ARHGEF6: variants seen among roughly 807,000 people sequenced by gnomAD.
ARHGEF6 encodes the protein rho guanine nucleotide exchange factor 6.
ARHGEF6 carries 9 observed loss-of-function variants against 70.3 expected under a neutral mutation model. The ratio of observed to expected loss-of-function variants is 0.13; its 90% confidence interval spans 0.08 to 0.22. ARHGEF6 has a LOEUF of 0.22. Ranked by LOEUF, ARHGEF6 falls within the 10% of genes least tolerant of loss-of-function variation. The probability of loss-of-function intolerance (pLI) is 1.00; values close to 1 mark genes in which losing one functional copy is unlikely to be tolerated. For synonymous variants in ARHGEF6, 201 were observed against 207.8 expected, an observed-to-expected ratio of 0.97 and a Z score of 0.28; for missense variants, 470 against 563.0, an observed-to-expected ratio of 0.83 and a Z score of 1.67.
intron 14 of ARHGEF6, 81 bp from the exon 15 acceptor site, chrX:136,680,957 T>C (rs1451067866): frequency 8.3e-6 from 9 of 1,088,151 alleles, no homozygotes; most frequent in Non-Finnish European, 1.1e-5. Flanking sequence ...ATAGACTTCA[T>C]ACAACTAGGA....
chrX:136,756,033 C>T (rs1040525223), intron 2 of ARHGEF6, among the ~76,000 whole-genome samples: 6 of 111,177 alleles, frequency 5.4e-5, no homozygotes, highest in Non-Finnish European at 1.1e-4. Context: ...GCCTGTCACG[C>T]AGTAGGCACT....
chrX:136,668,100 G>A lies in ARHGEF6; in HGVS notation c.2260C>T (p.Arg754Trp), dbSNP rs960928833. ...TCATCTGTTTGCTTCAAAAGCCTCC[G>A]CACCAGCTTTTCTAGGTCCCTTCTT... is the stretch of plus-strand genomic sequence containing the variant. The part of the protein sequence containing the change: ...KSRRDLEKLV[R>W]RLLKQTDECI... Residue 754 changes from arginine to tryptophan, a missense_variant, in exon 22 of 22, where the codon CGG becomes TGG. Coordinates refer to ENST00000250617, the MANE Select transcript of ARHGEF6 (RefSeq NM_004840.3). 6.6e-6 allele frequency: 8 copies of A among 1,211,334 alleles called. No homozygotes were observed. The highest frequency in any genetic ancestry group is 8.9e-6 in the Non-Finnish European group (8 of 895,188).
chrX:136,670,362 T>A (rs1373348414), intron 20 of ARHGEF6, among the ~76,000 whole-genome samples: 1 of 112,225 alleles, frequency 8.9e-6, no homozygotes, highest in East Asian at 2.8e-4. Context: ...TTACTAGGTA[T>A]GAAAAAAATC....
intron 9 of ARHGEF6, among the ~76,000 whole-genome samples, chrX:136,702,607 C>T (rs1234369464): frequency 2.7e-5 from 3 of 112,371 alleles, no homozygotes; most frequent in African/African-American, 9.7e-5. Flanking sequence ...ACAAAGCAGA[C>T]TTCCGATCAG....
intron 4 of ARHGEF6, among the ~76,000 whole-genome samples, chrX:136,744,082 C>G (rs1053477699): frequency 9.0e-6 from 1 of 111,495 alleles, no homozygotes; most frequent in Non-Finnish European, 1.9e-5. Context: ...TTAACTAAGC[C>G]AGATAACAAA....
chrX:136,754,131 C>A (rs1036771325), intron 2 of ARHGEF6, among the ~76,000 whole-genome samples: 4 of 111,888 alleles, frequency 3.6e-5, no homozygotes, highest in Admixed American at 9.5e-5. Flanking sequence ...CCATAGGACT[C>A]CCATTCTTCC....
chrX:136,667,993 C>G lies in ARHGEF6; in HGVS notation c.*36G>C. 2.5e-6 allele frequency: 3 copies of G among 1,209,162 alleles called. No individual in the cohort carries two copies. The highest frequency in any genetic ancestry group is 3.4e-6 in the Non-Finnish European group (3 of 893,746). ...CATTCAGCGGGACATTTCAAGATGC[C>G]CTGAAGGCACACTCCACCCAGTGGC... On this transcript the variant is annotated 3_prime_UTR_variant, in exon 22 of 22. Coordinates refer to ENST00000250617, the MANE Select transcript of ARHGEF6 (RefSeq NM_004840.3).
At chrX:136,746,003 G>A (rs1385753092) in intron 3 of ARHGEF6, among the ~76,000 whole-genome samples, 1 of 112,050 alleles carries the variant, frequency 8.9e-6, no homozygotes, top group Admixed American at 9.5e-5. Context: ...CAAAAGAGAG[G>A]AGCTGGCTTC....
chrX:136,748,529 G>A (rs1202920345), intron 2 of ARHGEF6, among the ~76,000 whole-genome samples: 1 of 112,138 alleles, frequency 8.9e-6, no homozygotes. Context: ...CTCATGCACA[G>A]GTACAATCTA....
intron 7 of ARHGEF6, among the ~76,000 whole-genome samples, chrX:136,712,092 TTTG>T (rs1191257077): frequency 1.8e-5 from 2 of 111,162 alleles, no homozygotes; most frequent in Non-Finnish European, 1.9e-5. Flanking sequence ...TTTGCTTGGT[TTTG>T]TTGTTGTTGT....
chrX:136,751,964 T>C (rs1328487947), intron 2 of ARHGEF6, among the ~76,000 whole-genome samples: 1 of 110,980 alleles, frequency 9.0e-6, no homozygotes, highest in African/African-American at 3.3e-5. Context: ...AGACTCAGAG[T>C]AGTTAAGTCA....
chrX:136,721,649 A>G (rs1365432537), intron 6 of ARHGEF6, among the ~76,000 whole-genome samples: 2 of 112,073 alleles, frequency 1.8e-5, no homozygotes, highest in Non-Finnish European at 3.8e-5. Flanking sequence ...TGAACCTAGA[A>G]GACATTATGT....
At chrX:136,756,621 G>T (rs1235972810) in intron 2 of ARHGEF6, among the ~76,000 whole-genome samples, 1 of 111,832 alleles carries the variant, frequency 8.9e-6, no homozygotes, top group African/African-American at 3.3e-5. Context: ...AAGGGGTAAC[G>T]TGTAATTGGA....
intron 7 of ARHGEF6, among the ~76,000 whole-genome samples, chrX:136,712,136 T>G (rs2076692306): frequency 9.0e-6 from 1 of 111,587 alleles, no homozygotes; most frequent in Non-Finnish European, 1.9e-5. Flanking sequence ...TCACATGGAG[T>G]CTTGCTCTGT....
intron 1 of ARHGEF6, among the ~76,000 whole-genome samples, chrX:136,780,174 C>T (rs192389015): frequency 8.9e-6 from 1 of 112,014 alleles, no homozygotes; most frequent in Admixed American, 9.4e-5. Flanking sequence ...TCACTTTGAA[C>T]GCACATTGCA....
At chrX:136,715,326 AT>A (rs763139591) in intron 6 of ARHGEF6, among the ~76,000 whole-genome samples, 2 of 111,314 alleles carry the variant, frequency 1.8e-5, no homozygotes, top group African/African-American at 6.5e-5. Flanking sequence ...ACAAAAACTC[AT>A]GGGGTGCAGT....
chrX:136,668,119 CCTT>C lies in ARHGEF6; in HGVS notation c.2238_2240del (p.Arg747del). 8.3e-7 allele frequency: 1 copy of C among 1,211,361 alleles called. No homozygotes were observed. Among genetic ancestry groups the C allele is most frequent in the Non-Finnish European group, 1.1e-6 (1 of 895,227 alleles). On this transcript the variant is annotated inframe_deletion, in exon 22 of 22. Transcript: ENST00000250617. ...GCCTCCGCACCAGCTTTTCTAGGTC[CCTT>C]CTTGATTTCAGTTCTTCTTCCAGGC...
At chrX:136,709,344 G>A (rs1363935990) in intron 7 of ARHGEF6, among the ~76,000 whole-genome samples, 3 of 112,251 alleles carry the variant, frequency 2.7e-5, no homozygotes, top group Non-Finnish European at 5.6e-5. Context: ...TCTGTATGAA[G>A]AATGTTCTTA....
intron 9 of ARHGEF6, among the ~76,000 whole-genome samples, chrX:136,704,470 G>T (rs942981896): frequency 5.4e-5 from 6 of 112,060 alleles, no homozygotes; most frequent in African/African-American, 1.9e-4. Context: ...GTATTAGTCC[G>T]TTTTCACACT....
Sources: gnomAD v4.1 joint callset for allele counts (sites outside exome capture counted in the v4.1 genomes callset) on GRCh38, gnomAD v4.1.1 for gene constraint, MANE v1.5 for transcripts, NCBI Gene and HGNC (gene_info 2026-07-23, HGNC 2026-07-21) for gene names.